The following KIAA1958 variants were observed in gnomAD, a reference collection of about 807,000 sequenced individuals.
KIAA1958 encodes uncharacterized protein KIAA1958.
Under a neutral mutation model 47.2 loss-of-function variants are expected in KIAA1958, and 14 were observed. That is an observed-to-expected ratio of 0.30 (90% CI 0.20 to 0.46). The LOEUF is 0.46. Among genes scored for constraint, KIAA1958 ranks in the 20% least tolerant of loss-of-function variants. The pLI is 1.00. For synonymous variants in KIAA1958, 354 were observed against 353.3 expected, an observed-to-expected ratio of 1.00 and a Z score of -0.02; for missense variants, 803 against 909.2, an observed-to-expected ratio of 0.88 and a Z score of 1.50.
At chr9:112,499,425 A>G (rs1834096836) in intron 1 of KIAA1958, among the ~76,000 whole-genome samples, 1 of 152,146 alleles carries the variant, frequency 6.6e-6, no homozygotes, top group African/African-American at 2.4e-5. Flanking sequence ...ATTTTAAGGA[A>G]TGTTCTGCTT....
At chr9:112,538,356 AAAAG>A (rs758917285) in intron 1 of KIAA1958, among the ~76,000 whole-genome samples, 11 of 152,226 alleles carry the variant, frequency 7.2e-5, no homozygotes, top group East Asian at 3.9e-4. Flanking sequence ...TGTCTCAAAA[AAAAG>A]AAAGAAAGAA....
rs1837260002 is a variant in KIAA1958, at chr9:112,660,523, A to G, written c.*454A>G. ...ACAATTAGAAACTAGAGAGAGGCAGACACGTTCCCTATTTCCAGGAGACAG... is the reference window on the plus strand; with the variant it reads ...ACAATTAGAAACTAGAGAGAGGCAGGCACGTTCCCTATTTCCAGGAGACAG... On this transcript the variant is annotated 3_prime_UTR_variant, in exon 4 of 4. Transcript: ENST00000337530. 6.2e-6 allele frequency: 1 copy of G among 161,308 alleles called. No individual in the cohort carries two copies. Among genetic ancestry groups the G allele is most frequent in the African/African-American group, 2.4e-5 (1 of 41,572 alleles). The allele number at this position is 161,308 out of a possible 1,614,324, so 10.0% of individuals were successfully genotyped here.
intron 1 of KIAA1958, among the ~76,000 whole-genome samples, chr9:112,538,494 CA>C (rs1303357851): frequency 6.6e-6 from 1 of 151,974 alleles, no homozygotes; most frequent in Non-Finnish European, 1.5e-5. Flanking sequence ...TAGTGAAAAA[CA>C]AAAACAAATT....
chr9:112,642,821 A>G (rs1836915252), intron 2 of KIAA1958, among the ~76,000 whole-genome samples: 1 of 152,260 alleles, frequency 6.6e-6, no homozygotes, highest in Non-Finnish European at 1.5e-5. Flanking sequence ...TAAGTATATG[A>G]AATTTAATCC....
chr9:112,637,407 A>C (rs574717031), intron 2 of KIAA1958, among the ~76,000 whole-genome samples: 14 of 151,810 alleles, frequency 9.2e-5, no homozygotes, highest in African/African-American at 2.7e-4. Context: ...TTTTAGATGG[A>C]GTTTCGCTCT....
chr9:112,543,315 T>G (rs745313244), intron 1 of KIAA1958, among the ~76,000 whole-genome samples: 16 of 152,160 alleles, frequency 1.1e-4, no homozygotes, highest in Non-Finnish European at 1.8e-4. Context: ...GTTCAAATAT[T>G]AGTAAAATAT....
At chr9:112,653,986 C>T (rs1356356295) in intron 3 of KIAA1958, among the ~76,000 whole-genome samples, 1 of 152,160 alleles carries the variant, frequency 6.6e-6, no homozygotes, top group African/African-American at 2.4e-5. Context: ...CACACTGTCA[C>T]TTCTGGTTAA....
chr9:112,501,520 G>A (rs1029607852), intron 1 of KIAA1958, among the ~76,000 whole-genome samples: 1 of 152,198 alleles, frequency 6.6e-6, no homozygotes, highest in Non-Finnish European at 1.5e-5. Context: ...CTGCAATGGA[G>A]AATAACAAGG....
intron 3 of KIAA1958, among the ~76,000 whole-genome samples, chr9:112,646,327 A>C (rs1331112709): frequency 6.6e-6 from 1 of 152,210 alleles, no homozygotes; most frequent in Non-Finnish European, 1.5e-5. Context: ...GTTTTTGCTA[A>C]GGAGAGACTT....
At chr9:112,590,101 C>T (rs1448300695) in intron 2 of KIAA1958, among the ~76,000 whole-genome samples, 2 of 152,174 alleles carry the variant, frequency 1.3e-5, no homozygotes, top group South Asian at 2.1e-4. Context: ...GGTCCCCTGA[C>T]CATTGGCATC....
intron 1 of KIAA1958, among the ~76,000 whole-genome samples, chr9:112,519,183 T>G (rs1294885708): frequency 6.6e-6 from 1 of 152,192 alleles, no homozygotes. Context: ...GCTCAAGCAG[T>G]ACTCCCACCC....
At chr9:112,499,681 T>G (rs1363081612) in intron 1 of KIAA1958, among the ~76,000 whole-genome samples, 1 of 150,204 alleles carries the variant, frequency 6.7e-6, no homozygotes, top group Non-Finnish European at 1.5e-5. Context: ...CCTATCTACA[T>G]TTTTTTCTTT....
intron 1 of KIAA1958, among the ~76,000 whole-genome samples, chr9:112,497,228 C>T (rs1834062417): frequency 6.6e-6 from 1 of 151,938 alleles, no homozygotes; most frequent in Non-Finnish European, 1.5e-5. Flanking sequence ...ATGTTGAAGC[C>T]CCAACCCTCC....
chr9:112,645,722 C>T lies in KIAA1958; in HGVS notation c.1244C>T (p.Ala415Val), dbSNP rs1177853273. ...NDDLNDLCTS[A>V]VSPNTTKATR... ...GACTTGAATGATCTGTGTACCAGTG[C>T]AGTAAGCCCAAATACTACCAAAGCC... Residue 415 changes from alanine (A) to valine (V), a missense_variant, in exon 3 of 4, where the codon GCA becomes GTA. Ala to Val is a moderately conservative substitution (Grantham distance 64). Coordinates refer to ENST00000337530, the MANE Select transcript of KIAA1958 (RefSeq NM_133465.4). 6.2e-7 allele frequency: 1 copy of T among 1,613,836 alleles called. No homozygotes were observed. Among genetic ancestry groups the T allele is most frequent in the Admixed American group, 1.7e-5 (1 of 60,000 alleles).
chr9:112,618,465 C>T lies in KIAA1958; in HGVS notation c.1172-27185C>T, dbSNP rs1224974012. ...TACTTGGAGTGGATGGGTCAGGACACTGGAGACTTGAATGCCAAAACCAAG... is the reference window on the plus strand; with the variant it reads ...TACTTGGAGTGGATGGGTCAGGACATTGGAGACTTGAATGCCAAAACCAAG... On this transcript the variant is annotated intron_variant, in intron 2 of 3. Coordinates refer to ENST00000337530, the MANE Select transcript of KIAA1958 (RefSeq NM_133465.4). The surrounding 1 kb of genome is among the most constrained non-coding windows in gnomAD (Gnocchi z 7.1). The T allele has an allele frequency of 6.4e-7, 1 of 1,550,894 alleles. No individual in the cohort carries two copies. Among genetic ancestry groups the T allele is most frequent in the Non-Finnish European group, 8.7e-7 (1 of 1,147,096 alleles).
At chr9:112,491,217 T>G (rs1165148815) in intron 1 of KIAA1958, among the ~76,000 whole-genome samples, 1 of 152,208 alleles carries the variant, frequency 6.6e-6, no homozygotes, top group African/African-American at 2.4e-5. Context: ...CTTCCTGCCT[T>G]GGCCTCCCAA....
At chr9:112,554,553 A>C (rs1407767173) in intron 1 of KIAA1958, among the ~76,000 whole-genome samples, 2 of 152,110 alleles carry the variant, frequency 1.3e-5, no homozygotes, top group African/African-American at 4.8e-5. Flanking sequence ...CCAAAAGTAA[A>C]GGATTGGTTA....
At chr9:112,492,972 G>A (rs1390726701) in intron 1 of KIAA1958, among the ~76,000 whole-genome samples, 2 of 119,054 alleles carry the variant, frequency 1.7e-5, no homozygotes, top group African/African-American at 6.6e-5. Context: ...GATTGGTCTT[G>A]AACTCCTGGG....
chr9:112,508,631 C>A (rs1050593753), intron 1 of KIAA1958, among the ~76,000 whole-genome samples: 42 of 152,182 alleles, frequency 2.8e-4, no homozygotes, highest in Admixed American at 2.6e-3. Context: ...CATTTGCTCC[C>A]TGCATATGTA....
Sources: gnomAD v4.1 joint callset for allele counts (sites outside exome capture counted in the v4.1 genomes callset) on GRCh38, gnomAD v4.1.1 for gene constraint, Gnocchi (gnomAD v3.1) non-coding constraint, MANE v1.5 for transcripts, NCBI Gene and HGNC (gene_info 2026-07-23, HGNC 2026-07-21) for gene names.